PSG11: variants seen among roughly 807,000 people sequenced by gnomAD.
PSG11 encodes the protein pregnancy specific beta-1-glycoprotein 11.
In PSG11, 42 loss-of-function variants were observed where a neutral mutation model predicts 36.0. The ratio of observed to expected loss-of-function variants is 1.17; its 90% CI spans 0.91 to 1.51. The LOEUF (loss-of-function observed/expected upper bound fraction) is 1.51. Among genes scored for constraint, PSG11 ranks in the 40% most tolerant of loss-of-function variants. PSG11 has a pLI of 0.00. For missense variants in PSG11, 558 were observed against 403.5 expected (o/e 1.38, Z -3.28); for synonymous variants, 206 against 153.5 (o/e 1.34, Z -2.53).
intron 5 of PSG11, 86 bp downstream of exon 5, chr19:43,009,872 C>A: frequency 9.4e-7 from 1 of 1,068,396 alleles, no homozygotes; most frequent in Non-Finnish European, 1.4e-6. Flanking sequence ...GATCCAGGCC[C>A]AGATACAGGC....
chr19:43,011,837 G>A (rs926288364), intron 4 of PSG11, among the ~76,000 whole-genome samples: 3 of 150,264 alleles, frequency 2.0e-5, no homozygotes, highest in Non-Finnish European at 4.4e-5. Flanking sequence ...GCTGCAGTGA[G>A]CCATAATCAC....
In PSG11 at chr19:43,014,623, A is replaced by T. The variant is rs1365614703; in HGVS notation, c.964+493T>A. On this transcript the variant is annotated intron_variant, in intron 4 of 5. Transcript: ENST00000320078. ...TGAGTGAGGCAGGGCCAGTCACCAGAGGAGCCCGGAGCAGAGCAGGAAGCA... is the reference window on the plus strand; with the variant it reads ...TGAGTGAGGCAGGGCCAGTCACCAGTGGAGCCCGGAGCAGAGCAGGAAGCA... 4.8e-5 allele frequency: 51 copies of T among 1,060,114 alleles called. No individual in the cohort carries two copies. The East Asian group carries it at 3.1e-3, about 65-fold the overall frequency. 65.7% of individuals were successfully genotyped at this position (1,060,114 alleles called of 1,614,324 possible).
chr19:43,008,405 T>G (rs920435854), intron 5 of PSG11, among the ~76,000 whole-genome samples: 1 of 151,110 alleles, frequency 6.6e-6, no homozygotes, highest in Non-Finnish European at 1.5e-5. Context: ...CCTGAGTAGC[T>G]GGGACTACAG....
chr19:43,011,778 C>T lies in PSG11; in HGVS notation c.965-1737G>A, dbSNP rs374102643. ...TGGTGACATGCACCTGTAGTCCTAG[C>T]ATCTTGGGAGGCTGAAGAAGGAGAA... On this transcript the variant is annotated intron_variant, in intron 4 of 5. Coordinates refer to ENST00000320078, the MANE Select transcript of PSG11 (RefSeq NM_002785.3). Among the ~76,000 whole-genome samples, 9 of 150,588 alleles carry T rather than the reference C, an allele frequency of 6.0e-5. 1 individual carries two copies. In the East Asian group the frequency reaches 1.2e-3, roughly 20 times the overall value.
At chr19:43,018,460 A>T in intron 3 of PSG11, 1 of 542,306 alleles carries the variant, frequency 1.8e-6, no homozygotes, top group Non-Finnish European at 3.2e-6. Context: ...CCTGTGAGCC[A>T]AGTCGCAAGA....
chr19:43,009,271 A>G (rs1226561018), intron 5 of PSG11, among the ~76,000 whole-genome samples: 1 of 151,216 alleles, frequency 6.6e-6, no homozygotes, highest in East Asian at 1.9e-4. Flanking sequence ...ACGAGGTCAG[A>G]TGTTGCTTGT....
intron 2 of PSG11, among the ~76,000 whole-genome samples, chr19:43,021,358 C>G (rs1158660655): frequency 6.6e-6 from 1 of 151,086 alleles, no homozygotes. Context: ...TCTCTTACAG[C>G]ATTTTTATTT....
intron 2 of PSG11, among the ~76,000 whole-genome samples, chr19:43,021,118 G>A (rs1418461750): frequency 2.6e-5 from 4 of 151,368 alleles, no homozygotes; most frequent in Non-Finnish European, 5.9e-5. Context: ...TTCCTCTTAA[G>A]TATGTGTTAC....
chr19:43,024,344 G>C (rs1967181823), intron 2 of PSG11: 3 of 369,606 alleles, frequency 8.1e-6, no homozygotes, highest in African/African-American at 2.1e-5. Context: ...AGTATCTCAG[G>C]GGCCCCTCAG....
In PSG11 at chr19:43,015,196, T is replaced by C; in HGVS notation, c.884A>G (p.His295Arg). The C allele has an allele frequency of 1.2e-6, 2 of 1,611,228 alleles. No homozygotes were observed. The highest frequency in any genetic ancestry group is 1.1e-5 in the South Asian group (1 of 90,800). Residue 295 changes from histidine (H) to arginine (R), a missense_variant, in exon 4 of 6, where the codon CAT (histidine) becomes CGT (arginine). His to Arg is a conservative substitution (Grantham distance 29, BLOSUM62 0). Coordinates refer to ENST00000320078, the MANE Select transcript of PSG11 (RefSeq NM_002785.3). ...KLFIPQITPK[H>R]NGLYACSARN... Reference sequence around the variant, plus strand: ...AGCAGAGCAAGCATAGAGCCCATTATGCTTTGGAGTAATCTGAGGGATAAA... The same window carrying C: ...AGCAGAGCAAGCATAGAGCCCATTACGCTTTGGAGTAATCTGAGGGATAAA...
At chr19:43,019,940 G>C (rs1967063091) in intron 2 of PSG11, among the ~76,000 whole-genome samples, 1 of 151,480 alleles carries the variant, frequency 6.6e-6, no homozygotes, top group South Asian at 2.1e-4. Flanking sequence ...GTGTTTGGTA[G>C]ATATTAGACC....
At chr19:43,021,673 G>T (rs1462363778) in intron 2 of PSG11, among the ~76,000 whole-genome samples, 1 of 151,476 alleles carries the variant, frequency 6.6e-6, no homozygotes, top group Non-Finnish European at 1.5e-5. Flanking sequence ...ATGAGTTGTT[G>T]ACTTTTGAGT....
intron 3 of PSG11, chr19:43,015,933 C>T (rs761457404): frequency 1.2e-6 from 2 of 1,610,010 alleles, no homozygotes; most frequent in Admixed American, 1.7e-5. Flanking sequence ...GACAATTTAG[C>T]CACCAAATGT....
intron 2 of PSG11, among the ~76,000 whole-genome samples, chr19:43,023,184 G>A (rs1303581282): frequency 6.6e-6 from 1 of 150,476 alleles, no homozygotes; most frequent in Non-Finnish European, 1.5e-5. Context: ...GAGGTAGTGG[G>A]GGGATGAAAC....
chr19:43,022,855 C>T (rs4029162), intron 2 of PSG11, among the ~76,000 whole-genome samples: 1 of 150,376 alleles, frequency 6.6e-6, no homozygotes, highest in Non-Finnish European at 1.5e-5. Context: ...GGAGGTGGGC[C>T]AGGCCACAGT....
Position 43,018,989 on chromosome 19 carries a change from T to C in PSG11, c.490A>G (p.Thr164Ala), listed in dbSNP as rs768995424. The C allele has an allele frequency of 9.3e-6, 15 of 1,611,870 alleles. No homozygotes were observed. Among genetic ancestry groups the C allele is most frequent in the African/African-American group, 2.7e-5 (2 of 74,322 alleles). Residue 164 changes from threonine to alanine, a missense_variant, in exon 3 of 6, where the codon ACT becomes GCT. Physicochemically the swap from Thr to Ala is moderately conservative, Grantham distance 58. Transcript: ENST00000320078. ...TCAGGATTACAGGTTAAGATCACAGTCTCCATGGCCTCCCTGGGGTTTAAG... is the reference window on the plus strand; with the variant it reads ...TCAGGATTACAGGTTAAGATCACAGCCTCCATGGCCTCCCTGGGGTTTAAG... ...SNLNPREAME[T>A]VILTCNPETP...
chr19:43,016,751 C>T (rs1241716004), intron 3 of PSG11, among the ~76,000 whole-genome samples: 3 of 151,508 alleles, frequency 2.0e-5, no homozygotes, highest in Non-Finnish European at 2.9e-5. Context: ...GAGCTGGTGG[C>T]TTTGGAGCAG....
rs891641809 is a variant in PSG11, at chr19:43,025,188, C to G, written c.65-132G>C. The G allele has an allele frequency of 3.8e-5, 51 of 1,348,086 alleles. 2 individuals are homozygous for G. The African/African-American group carries it at 7.3e-4, about 19-fold the overall frequency. 83.5% of individuals were successfully genotyped at this position (1,348,086 alleles called of 1,614,324 possible). A position where few individuals can be genotyped will look rare whatever the true frequency, so the allele number is the denominator to read the frequency against. On this transcript the variant is annotated intron_variant, in intron 1 of 5. Transcript: ENST00000320078. The stretch of plus-strand genomic sequence containing the variant: ...ACACACACACACACACACACACATA[C>G]AAACATACACACACAGAAAAGGGGC...
chr19:43,022,890 C>T (rs1033913507), intron 2 of PSG11, among the ~76,000 whole-genome samples: 3 of 150,374 alleles, frequency 2.0e-5, no homozygotes, highest in Non-Finnish European at 3.0e-5. Flanking sequence ...AATAGAACAG[C>T]CAGCCTAGTT....
Sources: allele counts gnomAD v4.1 joint callset (sites outside exome capture counted in the v4.1 genomes callset), GRCh38; gene constraint gnomAD v4.1.1; transcripts MANE v1.5; gene names NCBI Gene and HGNC (gene_info 2026-07-23, HGNC 2026-07-21).